The following PCTP variants were observed in gnomAD, a reference collection of about 807,000 sequenced individuals.
The protein encoded by PCTP is phosphatidylcholine transfer protein, also known as START domain-containing protein 2.
PCTP carries 27 observed loss-of-function variants against 31.0 expected under a neutral mutation model. The ratio of observed to expected loss-of-function variants is 0.87; its 90% CI spans 0.64 to 1.20. PCTP has a LOEUF of 1.20. Ranked by LOEUF, PCTP falls within the 50% of genes most tolerant of loss-of-function variation. The pLI, the probability that PCTP is intolerant of heterozygous loss-of-function variation, is 0.00. For synonymous variants in PCTP, 108 were observed against 101.2 expected, an observed-to-expected ratio of 1.07 and a Z score of -0.40; for missense variants, 287 against 268.2, an observed-to-expected ratio of 1.07 and a Z score of -0.49.
At chr17:55,835,622 T>C (rs1361447077) in intron 5 of PCTP, among the ~76,000 whole-genome samples, 1 of 152,164 alleles carries the variant, frequency 6.6e-6, no homozygotes. Flanking sequence ...ATAGTCTCAC[T>C]TCAAGAAGAG....
chr17:55,787,013 A>G (rs75945221), intron 2 of PCTP, among the ~76,000 whole-genome samples: 3,001 of 150,484 alleles, frequency 0.02, 106 homozygotes, highest in African/African-American at 0.071. Context: ...GCTTGTGCAT[A>G]TGCATGTGTG....
At chr17:55,792,518 G>T (rs1912034711) in intron 3 of PCTP, among the ~76,000 whole-genome samples, 1 of 152,020 alleles carries the variant, frequency 6.6e-6, no homozygotes, top group East Asian at 1.9e-4. Flanking sequence ...CCATTAGATA[G>T]TAAGAACTGT....
chr17:55,832,581 G>A (rs1905637692), intron 5 of PCTP, among the ~76,000 whole-genome samples: 2 of 152,146 alleles, frequency 1.3e-5, no homozygotes, highest in South Asian at 4.1e-4. Flanking sequence ...AAAGAGCATC[G>A]ATGGCTTCAA....
intron 1 of PCTP, among the ~76,000 whole-genome samples, chr17:55,762,368 G>A (rs540282956): frequency 1.3e-4 from 20 of 152,158 alleles, no homozygotes; most frequent in Non-Finnish European, 1.6e-4. Flanking sequence ...ATAGGTAAAC[G>A]GGGGCATCCG....
downstream of PCTP, among the ~76,000 whole-genome samples, chr17:55,779,693 A>AT (rs1911489288): frequency 6.6e-6 from 1 of 152,214 alleles, no homozygotes; most frequent in Non-Finnish European, 1.5e-5. Context: ...TTTCTCCATG[A>AT]TTCCCCAGCA....
downstream of PCTP, among the ~76,000 whole-genome samples, chr17:55,824,310 A>T (rs9915597): frequency 0.18 from 28,043 of 151,864 alleles, 2,744 homozygotes; most frequent in African/African-American, 0.26. Flanking sequence ...AGGTGCCACT[A>T]ACTAGATGCA....
intron 5 of PCTP, among the ~76,000 whole-genome samples, chr17:55,828,795 G>A (rs1180266406): frequency 6.6e-6 from 1 of 152,122 alleles, no homozygotes; most frequent in Non-Finnish European, 1.5e-5. Flanking sequence ...CAGCAGTGGC[G>A]GGCCTACTGA....
At chr17:55,792,436 C>T (rs1217466052) in intron 3 of PCTP, among the ~76,000 whole-genome samples, 1 of 151,908 alleles carries the variant, frequency 6.6e-6, no homozygotes, top group Non-Finnish European at 1.5e-5. Context: ...ATTCACACTA[C>T]ATCTTTTGAT....
At chr17:55,818,022 A>G (rs1202600549) in intron 3 of PCTP, among the ~76,000 whole-genome samples, 8 of 152,202 alleles carry the variant, frequency 5.3e-5, no homozygotes, top group Non-Finnish European at 7.3e-5. Flanking sequence ...GGTGAGTACC[A>G]TGATACAGGT....
chr17:55,819,433 G>T (rs1913041416), intron 3 of PCTP, among the ~76,000 whole-genome samples: 1 of 152,130 alleles, frequency 6.6e-6, no homozygotes, highest in Non-Finnish European at 1.5e-5. Flanking sequence ...TGGAAGATTT[G>T]CAGTTCCTGA....
chr17:55,774,731 T>G, intron 4 of PCTP, 61 bp from the exon 5 acceptor site: 1 of 1,310,202 alleles, frequency 7.6e-7, no homozygotes, highest in Non-Finnish European at 1.1e-6. Context: ...TGCACAGTTT[T>G]GTTGCTATAT....
At chr17:55,803,168 C>T (rs948185516) in intron 3 of PCTP, among the ~76,000 whole-genome samples, 1 of 152,100 alleles carries the variant, frequency 6.6e-6, no homozygotes, top group Admixed American at 6.5e-5. Flanking sequence ...TGAAGGACCA[C>T]ATCAAGGAGA....
rs146953922 is a variant in PCTP at position 55,773,821 on chromosome 17, G to C, written c.437G>C (p.Arg146Thr). The change falls in exon 4 of 6, where the codon AGG (arginine) becomes ACG (threonine). Residue 146 changes from arginine to threonine, a missense_variant. Transcript: ENST00000268896. ...ACCTCCATGCCTCAGCTTGGCGAGA[G>C]GTCTGGGGTGATCCGGGTGAAGCAA... ...RSTSMPQLGE[R>T]SGVIRVKQYK... 1 of 1,613,630 alleles carries C rather than the reference G, an allele frequency of 6.2e-7. No individual in the cohort carries two copies. The highest frequency in any genetic ancestry group is 1.3e-5 in the African/African-American group (1 of 74,998).
intron 1 of PCTP, among the ~76,000 whole-genome samples, chr17:55,759,278 G>A (rs1003816627): frequency 6.6e-6 from 1 of 152,188 alleles, no homozygotes; most frequent in Non-Finnish European, 1.5e-5. Flanking sequence ...AAAAGCACTT[G>A]GATCAGTGCC....
chr17:55,766,405 TC>T (rs1174001851), intron 1 of PCTP, among the ~76,000 whole-genome samples: 1 of 123,418 alleles, frequency 8.1e-6, no homozygotes, highest in Admixed American at 8.1e-5. Flanking sequence ...ATGCTATCCC[TC>T]CCCCCTCCCC....
the PCTP span, among the ~76,000 whole-genome samples, chr17:55,848,336 A>G: frequency 6.6e-6 from 1 of 152,200 alleles, no homozygotes. Flanking sequence ...TGAAGAATTA[A>G]CTTACAGTGA....
intron 5 of PCTP, among the ~76,000 whole-genome samples, chr17:55,834,185 T>C (rs1052218768): frequency 6.6e-6 from 1 of 152,160 alleles, no homozygotes; most frequent in Non-Finnish European, 1.5e-5. Flanking sequence ...CTCTCTCTTT[T>C]AAAAATTATT....
intron 3 of PCTP, among the ~76,000 whole-genome samples, chr17:55,789,833 G>A (rs528415875): frequency 1.3e-5 from 2 of 152,068 alleles, no homozygotes; most frequent in South Asian, 2.1e-4. Context: ...TACCAAAACC[G>A]GGCAGAGACA....
chr17:55,850,889 A>G, the PCTP span, among the ~76,000 whole-genome samples: 1 of 152,318 alleles, frequency 6.6e-6, no homozygotes, highest in East Asian at 1.9e-4. Context: ...GATTGGCATC[A>G]TGTTCTAATT....
Sources: gnomAD v4.1 joint callset for allele counts (sites outside exome capture counted in the v4.1 genomes callset) on GRCh38, gnomAD v4.1.1 for gene constraint, MANE v1.5 for transcripts, NCBI Gene and HGNC (gene_info 2026-07-23, HGNC 2026-07-21) for gene names.